The following WDR27 variants were observed in gnomAD, a reference collection of about 807,000 sequenced individuals.
WDR27 encodes the protein WD repeat domain 27, also known as WD repeat-containing protein 27.
In WDR27, 100 loss-of-function variants were observed where a neutral mutation model predicts 114.4. That is an observed-to-expected ratio of 0.87 (90% CI 0.74 to 1.03). The LOEUF (loss-of-function observed/expected upper bound fraction) is 1.03. WDR27 is among the 50% of genes least tolerant of loss of function. The probability of loss-of-function intolerance (pLI) is 0.00; values close to 1 mark genes in which losing one functional copy is unlikely to be tolerated. For synonymous variants in WDR27, 449 were observed against 423.1 expected, an observed-to-expected ratio of 1.06 and a Z score of -0.75; for missense variants, 1,129 against 1,092.9, an observed-to-expected ratio of 1.03 and a Z score of -0.47.
chr6:169,456,517 A>G (rs930434044), downstream of WDR27, among the ~76,000 whole-genome samples: 11 of 152,160 alleles, frequency 7.2e-5, no homozygotes, highest in Admixed American at 7.2e-4. The surrounding 1 kb of genome is among the most constrained non-coding windows in gnomAD (Gnocchi z 4.0). Flanking sequence ...GGAATCTTGA[A>G]TTGCCTTGGA....
chr6:169,561,351 C>T (rs982076116), intron 25 of WDR27, among the ~76,000 whole-genome samples: 1 of 152,136 alleles, frequency 6.6e-6, no homozygotes, highest in Non-Finnish European at 1.5e-5. Flanking sequence ...AAGAGAGAGG[C>T]TTTCAACATA....
intron 25 of WDR27, among the ~76,000 whole-genome samples, chr6:169,523,214 C>A (rs990952047): frequency 6.6e-6 from 1 of 151,982 alleles, no homozygotes; most frequent in African/African-American, 2.4e-5. Context: ...TTTCTGGACA[C>A]ATGCAATTTA....
chr6:169,437,864 T>C, the WDR27 span, among the ~76,000 whole-genome samples: 1 of 152,200 alleles, frequency 6.6e-6, no homozygotes, highest in African/African-American at 2.4e-5. Flanking sequence ...AAGTTTTCTC[T>C]GGTAACATGA....
chr6:169,461,351 G>T (rs1249540886), intron 25 of WDR27, among the ~76,000 whole-genome samples: 5 of 151,900 alleles, frequency 3.3e-5, no homozygotes, highest in African/African-American at 1.2e-4. Context: ...TCCCAAAATA[G>T]ATCATATGTT....
intron 25 of WDR27, among the ~76,000 whole-genome samples, chr6:169,502,009 C>T (rs1447692825): frequency 6.6e-6 from 1 of 152,242 alleles, no homozygotes; most frequent in Admixed American, 6.5e-5. Context: ...CAGTGTGACA[C>T]GGAGCCGGTG....
chr6:169,700,742 T>C (rs1787721520), intron 1 of WDR27, among the ~76,000 whole-genome samples: 1 of 152,226 alleles, frequency 6.6e-6, no homozygotes, highest in Non-Finnish European at 1.5e-5. Flanking sequence ...CCTCCACTAA[T>C]ATAAATTGTT....
chr6:169,461,846 C>T (rs962224018), intron 25 of WDR27, among the ~76,000 whole-genome samples: 12 of 151,528 alleles, frequency 7.9e-5, no homozygotes, highest in African/African-American at 2.7e-4. Context: ...AAAAGAAAAA[C>T]GAAATTAAGA....
At chr6:169,560,305 G>A (rs1041619057) in intron 25 of WDR27, among the ~76,000 whole-genome samples, 2 of 152,158 alleles carry the variant, frequency 1.3e-5, no homozygotes, top group Non-Finnish European at 1.5e-5. Context: ...CGCCATGTCT[G>A]GGAGGCCTCC....
intron 25 of WDR27, among the ~76,000 whole-genome samples, chr6:169,473,897 G>C (rs1373393457): frequency 6.6e-6 from 1 of 152,194 alleles, no homozygotes; most frequent in Non-Finnish European, 1.5e-5. Flanking sequence ...CAGCTATCAG[G>C]TTTCACCTTT....
chr6:169,643,881 G>A, intron 16 of WDR27, 95 bp from the exon 17 acceptor site: 1 of 915,896 alleles, frequency 1.1e-6, no homozygotes, highest in Non-Finnish European at 1.6e-6. Context: ...TCACACTGTA[G>A]AAAATCCCAG....
chr6:169,643,936 C>T, intron 16 of WDR27, 150 bp from the exon 17 acceptor site: 1 of 614,612 alleles, frequency 1.6e-6, no homozygotes, highest in South Asian at 2.3e-5. Context: ...ACAAGAGTCA[C>T]ACTGTAGAAA....
At chr6:169,534,912 T>G (rs1796039567) in intron 25 of WDR27, among the ~76,000 whole-genome samples, 1 of 151,968 alleles carries the variant, frequency 6.6e-6, no homozygotes, top group East Asian at 1.9e-4. Context: ...CATGTTAGTA[T>G]GAAAAATACC....
intron 25 of WDR27, among the ~76,000 whole-genome samples, chr6:169,570,257 T>C (rs1470993271): frequency 6.6e-6 from 1 of 152,060 alleles, no homozygotes; most frequent in Non-Finnish European, 1.5e-5. Context: ...GCTGACAACT[T>C]AACTTTCAAC....
chr6:169,676,903 G>A (rs566182543), intron 2 of WDR27, among the ~76,000 whole-genome samples: 1 of 152,286 alleles, frequency 6.6e-6, no homozygotes. Flanking sequence ...TCACGCACAT[G>A]TTCTCAGGAC....
chr6:169,693,927 G>C (rs1785148992), intron 1 of WDR27, among the ~76,000 whole-genome samples: 1 of 152,266 alleles, frequency 6.6e-6, no homozygotes, highest in African/African-American at 2.4e-5. Context: ...CACTAGAAAG[G>C]TCATCAGAAC....
intron 22 of WDR27, among the ~76,000 whole-genome samples, chr6:169,612,606 T>A (rs528327266): frequency 3.3e-5 from 4 of 119,814 alleles, no homozygotes; most frequent in Non-Finnish European, 6.3e-5. Context: ...CCAGCCTGGG[T>A]GACAGAGCGA....
chr6:169,525,535 C>CAAAAAAAA (rs569369732), intron 25 of WDR27, among the ~76,000 whole-genome samples: 1 of 96,978 alleles, frequency 1.0e-5, no homozygotes, highest in Non-Finnish European at 2.2e-5. Context: ...GACTCCATCT[C>CAAAAAAAA]AAAAAAAAAA....
intron 25 of WDR27, among the ~76,000 whole-genome samples, chr6:169,479,518 T>C (rs1047667696): frequency 6.6e-6 from 1 of 152,226 alleles, no homozygotes; most frequent in Non-Finnish European, 1.5e-5. Context: ...ATCCAGATTC[T>C]AATGATTTAG....
At chr6:169,665,324 G>GT in intron 7 of WDR27, 162 bp downstream of exon 7, 1 of 1,406,084 alleles carries the variant, frequency 7.1e-7, no homozygotes, top group Non-Finnish European at 9.2e-7. Context: ...TGAACCCACA[G>GT]TGACGCTGAG....
Sources: allele counts gnomAD v4.1 joint callset (sites outside exome capture counted in the v4.1 genomes callset), GRCh38; gene constraint gnomAD v4.1.1; non-coding constraint Gnocchi (gnomAD v3.1); transcripts MANE v1.5; gene names NCBI Gene and HGNC (gene_info 2026-07-23, HGNC 2026-07-21).